GMDS: variants seen among roughly 807,000 people sequenced by gnomAD.
GMDS encodes the protein GDP-mannose 4,6 dehydratase.
GMDS carries 20 observed loss-of-function variants against 49.9 expected under a neutral mutation model. The observed-to-expected ratio is 0.40, with a 90% confidence interval of 0.28 to 0.58. GMDS has a LOEUF of 0.58. Among genes scored for constraint, GMDS ranks in the 20% least tolerant of loss-of-function variants. The pLI, the probability that GMDS is intolerant of heterozygous loss-of-function variation, is 0.42. For synonymous variants in GMDS, 177 were observed against 178.6 expected (o/e 0.99, Z 0.07); for missense variants, 362 against 481.4 (o/e 0.75, Z 2.32).
intron 4 of GMDS, among the ~76,000 whole-genome samples, chr6:2,057,536 C>T (rs1348016555): frequency 1.3e-5 from 2 of 152,150 alleles, no homozygotes; most frequent in Non-Finnish European, 2.9e-5. Context: ...CCCACTCTTG[C>T]CAAGAAATTA....
intron 5 of GMDS, among the ~76,000 whole-genome samples, chr6:1,960,482 T>C (rs1246665752): frequency 6.6e-6 from 1 of 152,134 alleles, no homozygotes; most frequent in Non-Finnish European, 1.5e-5. Flanking sequence ...AAGAATCACA[T>C]TGGGTCTGAT....
At chr6:1,767,691 A>G (rs562235121) in intron 7 of GMDS, among the ~76,000 whole-genome samples, 18 of 152,236 alleles carry the variant, frequency 1.2e-4, no homozygotes, top group South Asian at 6.2e-4. Flanking sequence ...TTGCTTTCCA[A>G]TTTCTCAGGA....
At chr6:1,903,324 C>T (rs1035694151) in intron 7 of GMDS, among the ~76,000 whole-genome samples, 21 of 152,158 alleles carry the variant, frequency 1.4e-4, no homozygotes, top group African/African-American at 3.9e-4. Context: ...TTTGCACATA[C>T]GGAGAATTAA....
intron 1 of GMDS, among the ~76,000 whole-genome samples, chr6:2,150,883 T>C (rs1222122577): frequency 5.3e-5 from 8 of 152,178 alleles, no homozygotes; most frequent in Non-Finnish European, 1.2e-4. Flanking sequence ...ACAGTCAAAG[T>C]TCACAGCTTC....
At chr6:2,104,038 G>A (rs1011140088) in intron 4 of GMDS, among the ~76,000 whole-genome samples, 6 of 152,148 alleles carry the variant, frequency 3.9e-5, no homozygotes, top group Non-Finnish European at 1.5e-5. Flanking sequence ...TTTCCTCTTT[G>A]TAACTTGCTT....
chr6:1,741,027 GTTC>G (rs1207439222), intron 8 of GMDS, among the ~76,000 whole-genome samples: 1 of 152,060 alleles, frequency 6.6e-6, no homozygotes, highest in East Asian at 1.9e-4. Flanking sequence ...TTTTCTGAGT[GTTC>G]TTATTTTTGT....
chr6:1,853,497 G>A (rs866754320), intron 7 of GMDS, among the ~76,000 whole-genome samples: 4 of 127,636 alleles, frequency 3.1e-5, no homozygotes, highest in East Asian at 2.2e-4. Context: ...CAGCCTGGGC[G>A]ACAGAGCGAG....
chr6:1,674,290 TC>T (rs1444425432), intron 9 of GMDS, among the ~76,000 whole-genome samples: 2 of 152,190 alleles, frequency 1.3e-5, no homozygotes, highest in East Asian at 3.9e-4. Flanking sequence ...GAGCATATTT[TC>T]ATATGCTTAC....
intron 9 of GMDS, among the ~76,000 whole-genome samples, chr6:1,686,040 C>T (rs1429557921): frequency 2.6e-5 from 4 of 152,144 alleles, no homozygotes; most frequent in African/African-American, 9.7e-5. Context: ...AGTCGCTCCA[C>T]ATTGGGCTTT....
Position 1,797,048 on chromosome 6 carries a change from T to C in GMDS, c.772-54462A>G, listed in dbSNP as rs1182426944. ...CAGGCCAGGGACCAGTACCAGTATA[T>C]GGCCTGTTAGGAACTGGGCCGCAAA... On this transcript the variant is annotated intron_variant, in intron 7 of 10. Coordinates refer to ENST00000380815, the MANE Select transcript of GMDS (RefSeq NM_001500.4). 2.0e-5 allele frequency among the ~76,000 whole-genome samples: 3 copies of C among 152,324 alleles called. No individual in the cohort carries two copies. In the East Asian group the frequency reaches 5.8e-4, roughly 29 times the overall value.
At chr6:1,913,388 CAAAAAAAA>C (rs56262461) in intron 7 of GMDS, among the ~76,000 whole-genome samples, 14 of 103,936 alleles carry the variant, frequency 1.3e-4, no homozygotes, top group South Asian at 6.2e-4. Context: ...CTCAAACAAA[CAAAAAAAA>C]AAAAAAAAAA....
chr6:2,222,668 G>C (rs1403282166), intron 1 of GMDS, among the ~76,000 whole-genome samples: 2 of 152,206 alleles, frequency 1.3e-5, no homozygotes, highest in Non-Finnish European at 2.9e-5. Flanking sequence ...GTCAGGGCAG[G>C]CTGAGAGTGG....
intron 1 of GMDS, among the ~76,000 whole-genome samples, chr6:2,170,287 G>A (rs1224792506): frequency 6.6e-6 from 1 of 151,944 alleles, no homozygotes; most frequent in African/African-American, 2.4e-5. Flanking sequence ...CTTACAGATT[G>A]GTTTAAATCC....
chr6:1,777,585 G>A (rs960757250), intron 7 of GMDS, among the ~76,000 whole-genome samples: 7 of 152,184 alleles, frequency 4.6e-5, no homozygotes, highest in African/African-American at 1.7e-4. Context: ...AGATTGTAAT[G>A]ACATCAATAT....
chr6:2,036,989 G>T (rs1284164607), intron 4 of GMDS, among the ~76,000 whole-genome samples: 2 of 152,180 alleles, frequency 1.3e-5, no homozygotes, highest in Non-Finnish European at 2.9e-5. Context: ...GGAGGCGAAA[G>T]GTAATGAGGT....
In GMDS at chr6:1,836,866, A is replaced by G. The variant is rs1756951440; in HGVS notation, c.771+93237T>C. On this transcript the variant is annotated intron_variant, in intron 7 of 10. Transcript: ENST00000380815. The surrounding 1 kb of genome is among the most constrained non-coding windows in gnomAD (Gnocchi z 4.2). ...AGAGCTGTCAGGAAAAAGGTAATGA[A>G]GAAGAATAGCTTAGACAGAGGGATT... is the stretch of plus-strand genomic sequence containing the variant. 6.6e-6 allele frequency among the ~76,000 whole-genome samples: 1 copy of G among 152,278 alleles called. No individual in the cohort carries two copies. Among genetic ancestry groups the G allele is most frequent in the Non-Finnish European group, 1.5e-5 (1 of 68,044 alleles).
At chr6:1,743,522 G>C (rs1397226651) in intron 7 of GMDS, among the ~76,000 whole-genome samples, 2 of 125,268 alleles carry the variant, frequency 1.6e-5, no homozygotes, top group East Asian at 2.7e-4. Flanking sequence ...CAGCCTGGAC[G>C]ACAGAACCAG....
intron 1 of GMDS, among the ~76,000 whole-genome samples, chr6:2,139,463 G>A (rs1003469636): frequency 6.6e-6 from 1 of 152,144 alleles, no homozygotes; most frequent in Non-Finnish European, 1.5e-5. Context: ...CCAGTTCCTC[G>A]GGTACGCTAG....
chr6:2,140,366 G>A (rs1776225693), intron 1 of GMDS, among the ~76,000 whole-genome samples: 1 of 152,142 alleles, frequency 6.6e-6, no homozygotes, highest in Non-Finnish European at 1.5e-5. Flanking sequence ...TTCTCCTCTT[G>A]AAGCCTCCAA....
Sources: gnomAD v4.1 joint callset for allele counts (sites outside exome capture counted in the v4.1 genomes callset) on GRCh38, gnomAD v4.1.1 for gene constraint, Gnocchi (gnomAD v3.1) non-coding constraint, MANE v1.5 for transcripts, NCBI Gene and HGNC (gene_info 2026-07-23, HGNC 2026-07-21) for gene names.